STK32B: variants seen among roughly 807,000 people sequenced by gnomAD.
STK32B encodes the protein serine/threonine kinase 32B.
In STK32B, 43 loss-of-function variants were observed where a neutral mutation model predicts 52.6. The observed-to-expected ratio is 0.82, with a 90% CI of 0.64 to 1.05. The LOEUF (loss-of-function observed/expected upper bound fraction) is 1.05. Among genes scored for constraint, STK32B ranks in the 50% least tolerant of loss-of-function variants. The probability of loss-of-function intolerance (pLI) is 0.00; values close to 1 mark genes in which losing one functional copy is unlikely to be tolerated. For missense variants in STK32B, 621 were observed against 534.6 expected (o/e 1.16, Z -1.59); for synonymous variants, 238 against 204.3 (o/e 1.17, Z -1.41).
At chr4:5,175,929 T>G (rs1010486532) in intron 3 of STK32B, among the ~76,000 whole-genome samples, 1 of 152,272 alleles carries the variant, frequency 6.6e-6, no homozygotes. Context: ...GCAGGCCTCC[T>G]TGAGCTGTGG....
intron 4 of STK32B, among the ~76,000 whole-genome samples, chr4:5,362,009 G>A (rs957415844): frequency 1.3e-5 from 2 of 152,072 alleles, no homozygotes; most frequent in African/African-American, 4.8e-5. Context: ...ACCATGAAAC[G>A]AACTTGAAAA....
rs777641867 is a variant in STK32B at position 5,396,610 on chromosome 4, G to A, written c.435-1597G>A. On this transcript the variant is annotated intron_variant, in intron 4 of 11. Transcript: ENST00000282908. The surrounding 1 kb of genome is among the most constrained non-coding windows in gnomAD (Gnocchi z 4.7). The stretch of plus-strand genomic sequence containing the variant: ...TATCTTTAGGCTGTGGCCCTTGTAG[G>A]CATTTTGTAGCTCACATTCCCTGGG... Among the ~76,000 whole-genome samples the A allele has an allele frequency of 6.6e-6, 1 of 151,984 alleles. No individual in the cohort carries two copies. The highest frequency in any genetic ancestry group is 1.5e-5 in the Non-Finnish European group (1 of 68,006).
chr4:5,472,102 A>C (rs1577560937), intron 11 of STK32B, among the ~76,000 whole-genome samples: 1 of 152,358 alleles, frequency 6.6e-6, no homozygotes, highest in East Asian at 1.9e-4. Flanking sequence ...CTGAGAGGAC[A>C]TGGGCAGGGC....
At position 5,394,631 on chromosome 4, in the gene STK32B, T is replaced by C. The variant is rs1450658525; in HGVS notation, c.435-3576T>C. The stretch of plus-strand genomic sequence containing the variant: ...CTGCCTCTGAGTTCTCCCTAGCTCC[T>C]TTTGAAAGAGCAATGACAGTCCCAT... On this transcript the variant is annotated intron_variant, in intron 4 of 11. Transcript: ENST00000282908. This position sits in a 1 kb window ranked among gnomAD's most constrained non-coding sequence, Gnocchi z 4.2. Among the ~76,000 whole-genome samples, 1 of 152,182 alleles carries C rather than the reference T, an allele frequency of 6.6e-6. No individual in the cohort carries two copies. Among genetic ancestry groups the C allele is most frequent in the Non-Finnish European group, 1.5e-5 (1 of 68,028 alleles).
At chr4:5,166,349 A>T (rs1459963187) in intron 2 of STK32B, among the ~76,000 whole-genome samples, 1 of 151,430 alleles carries the variant, frequency 6.6e-6, no homozygotes, top group African/African-American at 2.4e-5. Context: ...TGAAGCGGGG[A>T]TAGTAATAGT....
chr4:5,348,131 G>A (rs1234105054), intron 4 of STK32B, among the ~76,000 whole-genome samples: 1 of 152,158 alleles, frequency 6.6e-6, no homozygotes, highest in African/African-American at 2.4e-5. Context: ...GTTAGGAGAG[G>A]TTCCCTAATG....
intron 1 of STK32B, among the ~76,000 whole-genome samples, chr4:5,055,240 C>T (rs1050289035): frequency 2.6e-4 from 39 of 150,632 alleles, no homozygotes; most frequent in Non-Finnish European, 1.3e-4. Context: ...TAGGCTTCTA[C>T]CATTATGCCT....
At chr4:5,075,836 AT>A (rs1465720235) in intron 1 of STK32B, among the ~76,000 whole-genome samples, 1 of 152,140 alleles carries the variant, frequency 6.6e-6, no homozygotes, top group East Asian at 1.9e-4. Flanking sequence ...TTCAATAAAT[AT>A]GTATTACTTT....
intron 3 of STK32B, among the ~76,000 whole-genome samples, chr4:5,218,790 C>T (rs918447233): frequency 8.5e-5 from 13 of 152,184 alleles, no homozygotes; most frequent in East Asian, 1.9e-4. Flanking sequence ...GCCAAGAAAA[C>T]GGTCAAGTGT....
intron 5 of STK32B, among the ~76,000 whole-genome samples, chr4:5,404,577 A>G (rs555686704): frequency 6.2e-4 from 94 of 152,218 alleles, no homozygotes; most frequent in African/African-American, 2.1e-3. Context: ...TTCACTAGAC[A>G]TAGCACATTT....
At chr4:5,218,248 C>T (rs533364846) in intron 3 of STK32B, among the ~76,000 whole-genome samples, 2 of 152,082 alleles carry the variant, frequency 1.3e-5, no homozygotes, top group African/African-American at 2.4e-5. Flanking sequence ...AAGAATCTTG[C>T]GGCCATCTTT....
chr4:5,331,758 T>C (rs928860343), intron 4 of STK32B, among the ~76,000 whole-genome samples: 2 of 152,160 alleles, frequency 1.3e-5, no homozygotes, highest in Non-Finnish European at 2.9e-5. Context: ...ACTCTCTTTT[T>C]TTCTGTACTT....
intron 4 of STK32B, among the ~76,000 whole-genome samples, chr4:5,347,057 G>T (rs1474468258): frequency 2.0e-5 from 3 of 152,136 alleles, no homozygotes. Context: ...CTCCCACTAG[G>T]TCCCTCCCTA....
intron 3 of STK32B, among the ~76,000 whole-genome samples, chr4:5,313,148 A>G (rs59357548): frequency 0.12 from 17,439 of 150,938 alleles, 2,550 homozygotes; most frequent in African/African-American, 0.35. Context: ...ACCTATTATC[A>G]AGTAGAATCC....
At chr4:5,391,367 A>G (rs1006985475) in intron 4 of STK32B, among the ~76,000 whole-genome samples, 11 of 152,198 alleles carry the variant, frequency 7.2e-5, no homozygotes, top group African/African-American at 2.7e-4. Flanking sequence ...TTACTAGCCA[A>G]GTAACAGTTT....
In STK32B at chr4:5,140,409, C is replaced by G. The variant is rs961132654; in HGVS notation, c.108+449C>G. 4.8e-6 allele frequency: 4 copies of G among 828,600 alleles called. No individual in the cohort carries two copies. The East Asian group carries it at 1.9e-4, about 40-fold the overall frequency. The allele number at this position is 828,600 out of a possible 1,614,324, so 51.3% of individuals were successfully genotyped here. ...AGAAAACAAAAATACTCCCCCCAGT[C>G]AAGCTCCAGTCTGTTCCCACATACT... On this transcript the variant is annotated intron_variant, in intron 2 of 11. Transcript: ENST00000282908.
At position 5,446,711 on chromosome 4, in the gene STK32B, G is replaced by A. The variant is rs767862829; in HGVS notation, c.601G>A (p.Gly201Arg). The A allele has an allele frequency of 4.0e-5, 64 of 1,613,946 alleles. No individual in the cohort carries two copies. Among genetic ancestry groups the A allele is most frequent in the Non-Finnish European group, 4.7e-5 (55 of 1,180,016 alleles). Residue 201 changes from glycine (G) to arginine (R), a missense_variant, in exon 7 of 12, where the codon GGA (glycine) becomes AGA (arginine). Coordinates refer to ENST00000282908, the MANE Select transcript of STK32B (RefSeq NM_018401.3). The stretch of plus-strand genomic sequence containing the variant: ...CCAGGTGTACATGGACAGAGGCCCC[G>A]GATACTCGTACCCTGTCGACTGGTG... ...VFQVYMDRGP[G>R]YSYPVDWWSL...
At chr4:5,143,128 T>C (rs986110466) in intron 2 of STK32B, among the ~76,000 whole-genome samples, 74 of 151,984 alleles carry the variant, frequency 4.9e-4, no homozygotes, top group Admixed American at 7.9e-4. Context: ...TCTGTCTGTC[T>C]GTCTATCTGT....
chr4:5,381,963 A>G (rs573517961), intron 4 of STK32B, among the ~76,000 whole-genome samples: 3 of 152,308 alleles, frequency 2.0e-5, no homozygotes, highest in East Asian at 1.9e-4. Flanking sequence ...AAATCTGCAG[A>G]CAGGCCAGCC....
Sources: allele counts gnomAD v4.1 joint callset (sites outside exome capture counted in the v4.1 genomes callset), GRCh38; gene constraint gnomAD v4.1.1; non-coding constraint Gnocchi (gnomAD v3.1); transcripts MANE v1.5; gene names NCBI Gene and HGNC (gene_info 2026-07-23, HGNC 2026-07-21).